Variants in TAF2 observed in about 807,000 individuals in gnomAD.
TAF2 encodes TATA-box binding protein associated factor 2.
A neutral mutation model predicts 138.5 loss-of-function variants in TAF2; 61 were observed. The observed-to-expected ratio is 0.44, with a 90% CI of 0.36 to 0.54. TAF2 has a LOEUF of 0.54. Ranked by LOEUF, TAF2 falls within the 20% of genes least tolerant of loss-of-function variation. The pLI is 0.00. For missense variants in TAF2, 1,090 were observed against 1,427.9 expected (o/e 0.76, Z 3.81); for synonymous variants, 475 against 469.9 (o/e 1.01, Z -0.14).
intron 22 of TAF2, among the ~76,000 whole-genome samples, chr8:119,753,352 G>C (rs1486766514): frequency 6.6e-6 from 1 of 151,894 alleles, no homozygotes; most frequent in African/African-American, 2.4e-5. Context: ...GTATTTCTTA[G>C]ATCAGATTCA....
chr8:119,783,017 A>C (rs916302189), intron 16 of TAF2, among the ~76,000 whole-genome samples: 3 of 152,060 alleles, frequency 2.0e-5, no homozygotes, highest in Non-Finnish European at 4.4e-5. Flanking sequence ...AGACACACAC[A>C]CACACACACA....
intron 6 of TAF2, 53 bp from the exon 7 acceptor site, chr8:119,797,899 T>C: frequency 7.0e-6 from 11 of 1,561,264 alleles, no homozygotes; most frequent in African/African-American, 2.7e-5. Flanking sequence ...AAATTTAATA[T>C]TGGAAATTTC....
In TAF2 at chr8:119,731,671, T is replaced by TAG. The variant is rs1310171958; in HGVS notation, c.*252_*253insCT. 2 of 509,712 alleles carry TAG rather than the reference T, an allele frequency of 3.9e-6. No homozygotes were observed. The highest frequency in any genetic ancestry group is 7.1e-6 in the Non-Finnish European group (2 of 281,904). 31.6% of individuals were successfully genotyped at this position (509,712 alleles called of 1,614,324 possible). The stretch of plus-strand genomic sequence containing the variant: ...ATGAGGGCTTTTATGAAAGGGAGTT[T>TAG]GCTCTGTGTGTGTGTTTTGGGGAGG... On this transcript the variant is annotated 3_prime_UTR_variant, in exon 26 of 26. Coordinates refer to ENST00000378164, the MANE Select transcript of TAF2 (RefSeq NM_003184.4).
chr8:119,747,889 C>T (rs756655902), intron 22 of TAF2, among the ~76,000 whole-genome samples: 1 of 152,090 alleles, frequency 6.6e-6, no homozygotes, highest in African/African-American at 2.4e-5. Flanking sequence ...TCTGGGAGGC[C>T]GGGGTGGGCA....
intron 5 of TAF2, 104 bp downstream of exon 5, chr8:119,803,774 G>T (rs1824428876): frequency 1.8e-6 from 2 of 1,136,672 alleles, no homozygotes; most frequent in Non-Finnish European, 2.5e-6. Flanking sequence ...ATTTGGAAGG[G>T]AATAAAACTA....
intron 2 of TAF2, among the ~76,000 whole-genome samples, chr8:119,827,379 C>T (rs1826168269): frequency 6.6e-6 from 1 of 152,182 alleles, no homozygotes; most frequent in African/African-American, 2.4e-5. Flanking sequence ...TCTGCACAGA[C>T]ATGTAGCCAA....
intron 3 of TAF2, among the ~76,000 whole-genome samples, chr8:119,818,168 C>T (rs559435995): frequency 3.3e-5 from 5 of 152,204 alleles, no homozygotes; most frequent in South Asian, 2.1e-4. Context: ...TCTCAAGCTT[C>T]GGTCTGTATC....
intron 3 of TAF2, among the ~76,000 whole-genome samples, chr8:119,810,898 G>A (rs1424924200): frequency 6.6e-6 from 1 of 152,028 alleles, no homozygotes; most frequent in Non-Finnish European, 1.5e-5. Flanking sequence ...AAGGTGAAGT[G>A]GTCCAAATAA....
Position 119,819,516 on chromosome 8 carries a change from T to C in TAF2, c.139-10A>G. The stretch of plus-strand genomic sequence containing the variant: ...TCAGTTCCACAAATCCCTGTAAAGA[T>C]AGAGAATAACAACTTCATTATAAAG... On this transcript the variant is annotated splice_polypyrimidine_tract_variant and intron_variant, in intron 2 of 25. Transcript: ENST00000378164. 1.3e-6 allele frequency: 2 copies of C among 1,599,274 alleles called. No homozygotes were observed. The highest frequency in any genetic ancestry group is 1.7e-6 in the Non-Finnish European group (2 of 1,174,772).
chr8:119,824,873 C>T (rs7010646), intron 2 of TAF2, among the ~76,000 whole-genome samples: 5,087 of 152,318 alleles, frequency 0.033, 162 homozygotes, highest in South Asian at 0.11. Context: ...CCTGGATGCC[C>T]AGGCAGAAAT....
chr8:119,769,157 CT>C (rs1821651938), intron 18 of TAF2, among the ~76,000 whole-genome samples: 4 of 152,182 alleles, frequency 2.6e-5, no homozygotes, highest in African/African-American at 9.7e-5. Flanking sequence ...CCACAGCTGG[CT>C]CTTACCTGGA....
intron 22 of TAF2, among the ~76,000 whole-genome samples, chr8:119,752,984 A>C (rs1390376108): frequency 6.6e-6 from 1 of 152,212 alleles, no homozygotes; most frequent in African/African-American, 2.4e-5. Flanking sequence ...GGGGACTTAA[A>C]TGATGCTCTA....
chr8:119,829,145 A>T (rs561880611), intron 2 of TAF2, among the ~76,000 whole-genome samples: 1 of 152,252 alleles, frequency 6.6e-6, no homozygotes, highest in African/African-American at 2.4e-5. Context: ...GCCCCTCCTG[A>T]TCTGCTCTCT....
At chr8:119,772,561 T>C (rs1821919120) in intron 18 of TAF2, among the ~76,000 whole-genome samples, 3 of 151,970 alleles carry the variant, frequency 2.0e-5, no homozygotes, top group Admixed American at 1.3e-4. Context: ...AGGTAACATA[T>C]CAATGTAAAA....
intron 9 of TAF2, among the ~76,000 whole-genome samples, chr8:119,793,735 G>A (rs1823609117): frequency 6.6e-6 from 1 of 152,078 alleles, no homozygotes; most frequent in South Asian, 2.1e-4. Flanking sequence ...TCTCTGAGCT[G>A]TCTCCAAGTT....
intron 25 of TAF2, among the ~76,000 whole-genome samples, chr8:119,732,574 C>T (rs1250081685): frequency 6.6e-6 from 1 of 152,044 alleles, no homozygotes; most frequent in South Asian, 2.1e-4. Context: ...GAGGCCAAGG[C>T]GGGTAGATCA....
intron 4 of TAF2, among the ~76,000 whole-genome samples, chr8:119,804,439 G>A (rs1034827016): frequency 2.0e-5 from 3 of 152,158 alleles, no homozygotes; most frequent in Non-Finnish European, 2.9e-5. Context: ...TAACTCCCAT[G>A]TGGTATGGGA....
chr8:119,802,710 G>A (rs1824349169), intron 5 of TAF2, among the ~76,000 whole-genome samples: 1 of 152,048 alleles, frequency 6.6e-6, no homozygotes, highest in African/African-American at 2.4e-5. Flanking sequence ...GTCAGGAGTT[G>A]GAAACCAGCC....
Position 119,812,357 on chromosome 8 carries a change from T to C in TAF2, c.300-5956A>G, listed in dbSNP as rs147371803. Among the ~76,000 whole-genome samples the C allele has an allele frequency of 1.5e-3, 227 of 152,120 alleles. 3 individuals carry two copies. In the East Asian group the frequency reaches 0.042, roughly 28 times the overall value. On this transcript the variant is annotated intron_variant, in intron 3 of 25. Transcript: ENST00000378164. ...TTTTTTTAATTTCAATAGCTTTTTGTGTACAAGTGGTTTTTGGTTACATAG... is the reference window on the plus strand; with the variant it reads ...TTTTTTTAATTTCAATAGCTTTTTGCGTACAAGTGGTTTTTGGTTACATAG...
Sources: gnomAD v4.1 joint callset for allele counts (sites outside exome capture counted in the v4.1 genomes callset) on GRCh38, gnomAD v4.1.1 for gene constraint, MANE v1.5 for transcripts, NCBI Gene and HGNC (gene_info 2026-07-23, HGNC 2026-07-21) for gene names.